The following ZMAT4 variants were observed in gnomAD, a reference collection of about 807,000 sequenced individuals.
ZMAT4 encodes the protein zinc finger matrin-type 4.
Under a neutral mutation model 28.7 loss-of-function variants are expected in ZMAT4, and 17 were observed. That is an observed-to-expected ratio of 0.59 (90% CI 0.41 to 0.89). The LOEUF (loss-of-function observed/expected upper bound fraction) is 0.89, where lower values mean the gene tolerates loss of function less well. Ranked by LOEUF, ZMAT4 falls within the 40% of genes least tolerant of loss-of-function variation. The pLI is 0.00. For synonymous variants in ZMAT4, 117 were observed against 109.2 expected (o/e 1.07, Z -0.44); for missense variants, 240 against 283.8 (o/e 0.85, Z 1.11).
intron 5 of ZMAT4, among the ~76,000 whole-genome samples, chr8:40,669,291 CT>C (rs1186786048): frequency 1.3e-5 from 2 of 152,230 alleles, no homozygotes; most frequent in Admixed American, 6.5e-5. Context: ...TTTTTGACTT[CT>C]TTTATGACAT....
chr8:40,772,749 C>A (rs563748815), intron 2 of ZMAT4, among the ~76,000 whole-genome samples: 1 of 152,194 alleles, frequency 6.6e-6, no homozygotes. Flanking sequence ...AATTATACCT[C>A]TTCTAGAAAC....
intron 2 of ZMAT4, among the ~76,000 whole-genome samples, chr8:40,768,176 T>C (rs111735870): frequency 0.011 from 1,647 of 152,240 alleles, 22 homozygotes; most frequent in African/African-American, 0.038. Context: ...CCTTTTCTCA[T>C]GGCTCTCCCA....
At chr8:40,667,030 G>A (rs981102511) in intron 5 of ZMAT4, among the ~76,000 whole-genome samples, 7 of 152,046 alleles carry the variant, frequency 4.6e-5, no homozygotes, top group African/African-American at 1.4e-4. Context: ...CAGACTGCAC[G>A]CATGGCGCCA....
rs188165233 is a variant in ZMAT4, at chr8:40,827,178, A to G, written c.-4-1498T>C. ...CCTAGGTCTGATGCTACCACATGGC[A>G]TTGGATGAGTCACTCAATGCTCCAT... On this transcript the variant is annotated intron_variant, in intron 1 of 6. Coordinates refer to ENST00000297737, the MANE Select transcript of ZMAT4 (RefSeq NM_024645.3). Among the ~76,000 whole-genome samples the G allele has an allele frequency of 2.6e-5, 4 of 152,252 alleles. No individual in the cohort carries two copies. In the East Asian group the frequency reaches 7.7e-4, roughly 29 times the overall value.
intron 5 of ZMAT4, among the ~76,000 whole-genome samples, chr8:40,582,242 C>T (rs56180998): frequency 0.22 from 33,709 of 151,998 alleles, 4,426 homozygotes; most frequent in Non-Finnish European, 0.3. Flanking sequence ...TACAATGGCC[C>T]GTAATCCCAA....
At chr8:40,759,696 G>A (rs185215530) in intron 3 of ZMAT4, among the ~76,000 whole-genome samples, 16 of 152,222 alleles carry the variant, frequency 1.1e-4, no homozygotes, top group East Asian at 1.9e-4. Context: ...TGTCTTGGTC[G>A]CGCCCCACCC....
At chr8:40,654,890 G>A (rs1289172887) in intron 5 of ZMAT4, among the ~76,000 whole-genome samples, 1 of 152,068 alleles carries the variant, frequency 6.6e-6, no homozygotes, top group African/African-American at 2.4e-5. Context: ...TCAGAAATAA[G>A]ACAAGTATGC....
chr8:40,759,003 GGCCAGGT>G (rs772665488), intron 3 of ZMAT4, among the ~76,000 whole-genome samples: 8 of 152,154 alleles, frequency 5.3e-5, no homozygotes, highest in Non-Finnish European at 1.0e-4. Flanking sequence ...AGCCAGTCTA[GGCCAGGT>G]GCAGTGGATC....
intron 3 of ZMAT4, among the ~76,000 whole-genome samples, chr8:40,726,371 G>T (rs968701861): frequency 2.6e-5 from 4 of 152,134 alleles, no homozygotes; most frequent in Non-Finnish European, 5.9e-5. Flanking sequence ...GCCAAACATT[G>T]GTTATTCAGT....
chr8:40,847,913 A>C (rs1270576882), intron 1 of ZMAT4, among the ~76,000 whole-genome samples: 1 of 152,110 alleles, frequency 6.6e-6, no homozygotes, highest in Non-Finnish European at 1.5e-5. Flanking sequence ...TAACCTACCC[A>C]CAGATTACGT....
chr8:40,857,871 T>C (rs1013806101), intron 1 of ZMAT4, among the ~76,000 whole-genome samples: 2 of 152,074 alleles, frequency 1.3e-5, no homozygotes, highest in Non-Finnish European at 2.9e-5. Context: ...TAAGGGACAA[T>C]CTCAAAAAAC....
At chr8:40,708,805 G>A (rs932830370) in intron 3 of ZMAT4, among the ~76,000 whole-genome samples, 4 of 151,274 alleles carry the variant, frequency 2.6e-5, no homozygotes, top group African/African-American at 4.9e-5. Context: ...GCGCACCACC[G>A]CGACAGCTAA....
intron 6 of ZMAT4, among the ~76,000 whole-genome samples, chr8:40,555,885 C>A (rs1232217293): frequency 6.6e-6 from 1 of 152,116 alleles, no homozygotes; most frequent in African/African-American, 2.4e-5. Flanking sequence ...AATTTGTTTT[C>A]TCTCCCAACC....
At chr8:40,721,074 C>T (rs1171322693) in intron 3 of ZMAT4, among the ~76,000 whole-genome samples, 1 of 148,180 alleles carries the variant, frequency 6.7e-6, no homozygotes, top group Non-Finnish European at 1.5e-5. Flanking sequence ...GTGCACTGCA[C>T]CCACTAACTC....
chr8:40,793,238 T>C (rs1461494818), intron 2 of ZMAT4, among the ~76,000 whole-genome samples: 1 of 152,138 alleles, frequency 6.6e-6, no homozygotes, highest in Non-Finnish European at 1.5e-5. Context: ...AACCTAAAAC[T>C]GAGCACAAAA....
At chr8:40,628,905 G>A (rs988573727) in intron 5 of ZMAT4, among the ~76,000 whole-genome samples, 12 of 151,826 alleles carry the variant, frequency 7.9e-5, no homozygotes, top group African/African-American at 2.2e-4. Context: ...TAGATGTAAA[G>A]AGACACCATA....
chr8:40,580,986 T>A (rs1357600476), intron 6 of ZMAT4, among the ~76,000 whole-genome samples, 179 bp downstream of exon 6: 1 of 152,170 alleles, frequency 6.6e-6, no homozygotes, highest in Non-Finnish European at 1.5e-5. Flanking sequence ...TTATTACTCA[T>A]GCCAAATAAA....
intron 2 of ZMAT4, among the ~76,000 whole-genome samples, chr8:40,771,950 C>G (rs1228284178): frequency 6.6e-6 from 1 of 152,094 alleles, no homozygotes; most frequent in East Asian, 1.9e-4. Context: ...AGGCAAACTG[C>G]CAAGTGAAAA....
At chr8:40,547,152 G>A (rs902127994) in intron 6 of ZMAT4, among the ~76,000 whole-genome samples, 3 of 152,174 alleles carry the variant, frequency 2.0e-5, no homozygotes, top group Admixed American at 2.0e-4. Context: ...AACTCTTAGC[G>A]GGCTTGCGTG....
Sources: gnomAD v4.1 joint callset for allele counts (sites outside exome capture counted in the v4.1 genomes callset) on GRCh38, gnomAD v4.1.1 for gene constraint, MANE v1.5 for transcripts, NCBI Gene and HGNC (gene_info 2026-07-23, HGNC 2026-07-21) for gene names.